PKIA: variants seen among roughly 807,000 people sequenced by gnomAD.
PKIA encodes the protein PKI-alpha.
In PKIA, 4 loss-of-function variants were observed where a neutral mutation model predicts 7.6. The ratio of observed to expected loss-of-function variants is 0.52; its 90% CI spans 0.26 to 1.20. PKIA has a LOEUF of 1.20. Ranked by LOEUF, PKIA falls within the 50% of genes most tolerant of loss-of-function variation. The pLI, the probability that PKIA is intolerant of heterozygous loss-of-function variation, is 0.13. For synonymous variants in PKIA, 21 were observed against 30.7 expected, an observed-to-expected ratio of 0.68 and a Z score of 1.04; for missense variants, 73 against 86.2, an observed-to-expected ratio of 0.85 and a Z score of 0.61.
At chr8:78,559,803 C>A (rs1160657586) in intron 1 of PKIA, among the ~76,000 whole-genome samples, 2 of 152,148 alleles carry the variant, frequency 1.3e-5, no homozygotes, top group East Asian at 3.8e-4. Flanking sequence ...CAAATGAAAT[C>A]TGAATTCATC....
chr8:78,553,636 C>T (rs1040377789), intron 1 of PKIA, among the ~76,000 whole-genome samples: 5 of 151,892 alleles, frequency 3.3e-5, no homozygotes, highest in Non-Finnish European at 7.4e-5. Flanking sequence ...ATATGTTGCA[C>T]TGCCAATTTT....
intron 1 of PKIA, among the ~76,000 whole-genome samples, chr8:78,519,494 A>G (rs896164138): frequency 6.6e-5 from 10 of 152,166 alleles, no homozygotes; most frequent in Non-Finnish European, 1.2e-4. Context: ...GGAAAAGGAA[A>G]AAGAATAGCA....
Position 78,569,023 on chromosome 8 carries a change from A to T in PKIA, c.-156-3788A>T, listed in dbSNP as rs1017723041. 2.0e-5 allele frequency among the ~76,000 whole-genome samples: 3 copies of T among 152,144 alleles called. No homozygotes were observed. The East Asian group carries it at 5.8e-4, about 29-fold the overall frequency. On this transcript the variant is annotated intron_variant, in intron 1 of 3. Transcript: ENST00000396418. ...GAAGGAGACTTAAGGAGATCATGCCAGACAGAGCTAATTACAAATGGACTC... is the reference window on the plus strand; with the variant it reads ...GAAGGAGACTTAAGGAGATCATGCCTGACAGAGCTAATTACAAATGGACTC...
At chr8:78,530,958 T>C (rs1453895105) in intron 1 of PKIA, among the ~76,000 whole-genome samples, 1 of 152,132 alleles carries the variant, frequency 6.6e-6, no homozygotes, top group Non-Finnish European at 1.5e-5. Flanking sequence ...TTGTTAATGC[T>C]TCTGAAATAT....
chr8:78,585,107 TA>T, intron 2 of PKIA, among the ~76,000 whole-genome samples: 1 of 152,122 alleles, frequency 6.6e-6, no homozygotes, highest in Middle Eastern at 3.4e-3. Flanking sequence ...TGTTACCTTA[TA>T]AAAAATTTTT....
chr8:78,524,963 G>T (rs1809514011), intron 1 of PKIA, among the ~76,000 whole-genome samples: 1 of 151,814 alleles, frequency 6.6e-6, no homozygotes, highest in Admixed American at 6.6e-5. Flanking sequence ...AAAATGATTG[G>T]TATTCTACAC....
At chr8:78,595,962 C>A (rs149487887) in intron 2 of PKIA, among the ~76,000 whole-genome samples, 137 of 152,262 alleles carry the variant, frequency 9.0e-4, no homozygotes, top group African/African-American at 3.1e-3. Flanking sequence ...TCCACAGCGG[C>A]TGAACTAGTT....
chr8:78,522,836 A>T (rs1261864680), intron 1 of PKIA, among the ~76,000 whole-genome samples: 1 of 151,956 alleles, frequency 6.6e-6, no homozygotes, highest in Non-Finnish European at 1.5e-5. Context: ...GTTCAGATTT[A>T]TGTACCTACA....
intron 1 of PKIA, among the ~76,000 whole-genome samples, chr8:78,546,656 T>C (rs1806832271): frequency 6.6e-6 from 1 of 152,212 alleles, no homozygotes; most frequent in Non-Finnish European, 1.5e-5. Flanking sequence ...TAAAACCTCA[T>C]AACTGAAATT....
intron 1 of PKIA, among the ~76,000 whole-genome samples, chr8:78,525,542 A>G (rs1809525804): frequency 6.6e-6 from 1 of 152,066 alleles, no homozygotes; most frequent in Admixed American, 6.6e-5. Flanking sequence ...AAGAAAAATC[A>G]CTAACAGTTT....
chr8:78,598,313 T>C, intron 2 of PKIA, 45 bp from the exon 3 acceptor site: 1 of 1,220,892 alleles, frequency 8.2e-7, no homozygotes, highest in Non-Finnish European at 1.2e-6. Flanking sequence ...ATGTTTAGCA[T>C]TGACTACCAT....
intron 1 of PKIA, among the ~76,000 whole-genome samples, chr8:78,531,743 T>C (rs998046758): frequency 1.3e-5 from 2 of 152,044 alleles, no homozygotes; most frequent in East Asian, 1.9e-4. Flanking sequence ...CCCTACTCTT[T>C]GTTGTATGGC....
chr8:78,586,590 G>A (rs1807954681), intron 2 of PKIA, among the ~76,000 whole-genome samples: 1 of 152,126 alleles, frequency 6.6e-6, no homozygotes, highest in African/African-American at 2.4e-5. Context: ...GGAAAAGATG[G>A]TGGTGTCAAT....
At chr8:78,589,397 A>G (rs1023708168) in intron 2 of PKIA, among the ~76,000 whole-genome samples, 7 of 152,228 alleles carry the variant, frequency 4.6e-5, no homozygotes, top group Admixed American at 2.0e-4. Context: ...AGTATTTTCT[A>G]AAGAAAGATA....
intron 2 of PKIA, among the ~76,000 whole-genome samples, chr8:78,578,184 A>T (rs554695928): frequency 2.2e-4 from 34 of 152,178 alleles, no homozygotes; most frequent in South Asian, 1.4e-3. Flanking sequence ...AACCATGTGA[A>T]TTCAAGTAAG....
chr8:78,568,159 A>G (rs1240912832), intron 1 of PKIA, among the ~76,000 whole-genome samples: 2 of 152,212 alleles, frequency 1.3e-5, no homozygotes, highest in South Asian at 4.1e-4. Flanking sequence ...ATGTGTATAC[A>G]CATATCTATA....
chr8:78,572,627 C>T (rs371498999), intron 1 of PKIA, among the ~76,000 whole-genome samples, 184 bp from the exon 2 acceptor site: 3 of 151,744 alleles, frequency 2.0e-5, no homozygotes, highest in African/African-American at 7.3e-5. Flanking sequence ...GACTTGAAAT[C>T]CCAAAATTCA....
chr8:78,548,422 A>C (rs931376955), intron 1 of PKIA, among the ~76,000 whole-genome samples: 3 of 152,164 alleles, frequency 2.0e-5, no homozygotes, highest in African/African-American at 7.2e-5. Context: ...TAAAAACTGC[A>C]GCTCATTGGA....
chr8:78,590,646 ATT>A (rs536599170), intron 2 of PKIA, among the ~76,000 whole-genome samples: 2 of 146,910 alleles, frequency 1.4e-5, no homozygotes, highest in Non-Finnish European at 1.5e-5. Context: ...ACTTGTCACT[ATT>A]TTTTTTTTTG....
Sources: allele counts gnomAD v4.1 joint callset (sites outside exome capture counted in the v4.1 genomes callset), GRCh38; gene constraint gnomAD v4.1.1; transcripts MANE v1.5; gene names NCBI Gene and HGNC (gene_info 2026-07-23, HGNC 2026-07-21).